Variants in TENM4 observed in about 807,000 individuals in gnomAD.
TENM4 encodes the protein teneurin transmembrane protein 4.
Under a neutral mutation model 243.3 loss-of-function variants are expected in TENM4, and 82 were observed. The ratio of observed to expected loss-of-function variants is 0.34; its 90% CI spans 0.28 to 0.40. The LOEUF (loss-of-function observed/expected upper bound fraction) is 0.40. Ranked by LOEUF, TENM4 falls within the 10% of genes least tolerant of loss-of-function variation. The probability of loss-of-function intolerance (pLI) is 1.00; values close to 1 mark genes in which losing one functional copy is unlikely to be tolerated. For missense variants in TENM4, 3,138 were observed against 3,673.3 expected, an observed-to-expected ratio of 0.85 and a Z score of 3.77; for synonymous variants, 1,412 against 1,456.3, an observed-to-expected ratio of 0.97 and a Z score of 0.69.
chr11:79,067,800 C>T (rs559528538), intron 5 of TENM4: 19 of 152,236 alleles, frequency 1.2e-4, no homozygotes, highest in Non-Finnish European at 2.2e-4. Flanking sequence ...TTCTGAGGCC[C>T]GGGGCATGAG....
chr11:78,874,971 C>T (rs1859229088), intron 9 of TENM4, among the ~76,000 whole-genome samples: 1 of 152,186 alleles, frequency 6.6e-6, no homozygotes, highest in South Asian at 2.1e-4. Flanking sequence ...ACGCCAGTGA[C>T]AATCTACTCA....
chr11:79,002,453 C>A (rs1197933763), intron 6 of TENM4, among the ~76,000 whole-genome samples: 1 of 152,238 alleles, frequency 6.6e-6, no homozygotes, highest in Non-Finnish European at 1.5e-5. Context: ...CCCTCCAATG[C>A]AGCAGGTTCC....
chr11:78,903,398 G>C lies in TENM4; in HGVS notation c.619C>G (p.Pro207Ala). Residue 207 changes from proline (P) to alanine (A), a missense_variant, in exon 7 of 34, where the codon CCG becomes GCG. Transcript: ENST00000278550. ...INSLNRGNFT[P>A]RSNPSPAPTD... The stretch of plus-strand genomic sequence containing the variant: ...GGGGCCGGGCTGGGGTTGCTCCTCG[G>C]CGTGAAGTTGCCCCGGTTCAGGGAG... 1 of 1,537,482 alleles carries C rather than the reference G, an allele frequency of 6.5e-7. No homozygotes were observed. The highest frequency in any genetic ancestry group is 8.8e-7 in the Non-Finnish European group (1 of 1,139,752).
At chr11:79,379,754 A>G (rs1474299981) in intron 1 of TENM4, among the ~76,000 whole-genome samples, 1 of 152,232 alleles carries the variant, frequency 6.6e-6, no homozygotes, top group African/African-American at 2.4e-5. Flanking sequence ...ATCCTGTTCC[A>G]GAGCCCATAC....
intron 12 of TENM4, among the ~76,000 whole-genome samples, chr11:78,849,387 T>C (rs1300682010): frequency 6.6e-6 from 1 of 152,218 alleles, no homozygotes; most frequent in Non-Finnish European, 1.5e-5. Flanking sequence ...ATAGTAACCG[T>C]GACAAATAGT....
chr11:79,076,573 G>A (rs1402714505), intron 4 of TENM4, among the ~76,000 whole-genome samples: 6 of 152,144 alleles, frequency 3.9e-5, no homozygotes, highest in African/African-American at 1.4e-4. Context: ...CCCACAACAC[G>A]TGGGAATTCA....
intron 12 of TENM4, among the ~76,000 whole-genome samples, chr11:78,840,043 G>A (rs995773705): frequency 2.6e-5 from 4 of 152,144 alleles, no homozygotes; most frequent in Admixed American, 6.6e-5. Context: ...ATAAGTTAAC[G>A]TAAATAAATT....
chr11:78,702,844 A>G (rs146338749), intron 27 of TENM4, among the ~76,000 whole-genome samples: 185 of 152,306 alleles, frequency 1.2e-3, no homozygotes, highest in African/African-American at 4.0e-3. Flanking sequence ...TGATGTTCTA[A>G]GATGGGAGGG....
chr11:79,243,178 GAC>G (rs1855453608), intron 2 of TENM4, among the ~76,000 whole-genome samples: 1 of 152,022 alleles, frequency 6.6e-6, no homozygotes, highest in Non-Finnish European at 1.5e-5. Flanking sequence ...ACAAATTCAT[GAC>G]ACGGTAGGAG....
chr11:79,070,335 G>A lies in TENM4; in HGVS notation c.-65-326C>T, dbSNP rs59168384. ...CCTAGGTAGGAACCAAGCCTGTTTGGTTCCCATCACATCCCACATGGAGCA... is the reference window on the plus strand; with the variant it reads ...CCTAGGTAGGAACCAAGCCTGTTTGATTCCCATCACATCCCACATGGAGCA... On this transcript the variant is annotated intron_variant, in intron 4 of 33. Coordinates refer to ENST00000278550, the MANE Select transcript of TENM4 (RefSeq NM_001098816.3). Among the ~76,000 whole-genome samples, 1,515 of 152,246 alleles carry A rather than the reference G, an allele frequency of 1.0e-2. 34 individuals are homozygous for A. The highest frequency in any genetic ancestry group is 0.035 in the African/African-American group (1,455 of 41,524).
chr11:78,729,330 C>T, intron 22 of TENM4, 46 bp downstream of exon 22: 2 of 1,525,718 alleles, frequency 1.3e-6, no homozygotes, highest in Non-Finnish European at 1.8e-6. Flanking sequence ...AGAAAGAGTC[C>T]TCCCTGCAAG....
At chr11:78,790,760 A>G (rs986578364) in intron 15 of TENM4, among the ~76,000 whole-genome samples, 1 of 151,832 alleles carries the variant, frequency 6.6e-6, no homozygotes, top group African/African-American at 2.4e-5. Context: ...TTTGAGAGAA[A>G]CTCTCAGCTT....
chr11:79,134,936 A>G (rs1862078480), intron 4 of TENM4, among the ~76,000 whole-genome samples: 1 of 152,212 alleles, frequency 6.6e-6, no homozygotes, highest in African/African-American at 2.4e-5. Flanking sequence ...TGGCTTAGGC[A>G]AGGATTTCAT....
Position 79,139,943 on chromosome 11 carries a change from C to CCAA in TENM4, c.-66+8764_-66+8766dup, listed in dbSNP as rs530582267. On this transcript the variant is annotated intron_variant, in intron 4 of 33. Coordinates refer to ENST00000278550, the MANE Select transcript of TENM4 (RefSeq NM_001098816.3). ...TATAATACAAAATTTGAAGATGGAA[C>CCAA]CAACATTCCTTATGTCCGCTTACAT... Among the ~76,000 whole-genome samples the CCAA allele has an allele frequency of 4.3e-3, 649 of 149,974 alleles. 2 individuals are homozygous for CCAA. The highest frequency in any genetic ancestry group is 4.6e-3 in the Non-Finnish European group (312 of 67,790).
At chr11:79,097,526 A>G (rs1861112053) in intron 4 of TENM4, 1 of 152,150 alleles carries the variant, frequency 6.6e-6, no homozygotes, top group African/African-American at 2.4e-5. Context: ...CACATTTGGA[A>G]ATTGAAATTT....
intron 1 of TENM4, among the ~76,000 whole-genome samples, chr11:79,363,239 G>A (rs56169319): frequency 0.014 from 2,073 of 152,304 alleles, 48 homozygotes; most frequent in African/African-American, 0.047. Context: ...GCAGTTCAGC[G>A]GCAGCTGCCC....
chr11:78,822,732 A>AT (rs202194332), intron 12 of TENM4, among the ~76,000 whole-genome samples: 2,521 of 151,294 alleles, frequency 0.017, 96 homozygotes, highest in African/African-American at 0.059. Flanking sequence ...TTAAGATAAA[A>AT]TTTTTTTTTT....
intron 6 of TENM4, among the ~76,000 whole-genome samples, chr11:78,937,378 C>T (rs1185898725): frequency 1.3e-5 from 2 of 152,166 alleles, no homozygotes; most frequent in Non-Finnish European, 2.9e-5. Flanking sequence ...TGAGAAGGTT[C>T]CATGTTCAAA....
At chr11:79,378,695 C>G (rs892507748) in intron 1 of TENM4, among the ~76,000 whole-genome samples, 3 of 152,016 alleles carry the variant, frequency 2.0e-5, no homozygotes, top group Non-Finnish European at 4.4e-5. Context: ...CCTGCCTCAG[C>G]AGCCTCACCT....
Sources: gnomAD v4.1 joint callset for allele counts (sites outside exome capture counted in the v4.1 genomes callset) on GRCh38, gnomAD v4.1.1 for gene constraint, MANE v1.5 for transcripts, NCBI Gene and HGNC (gene_info 2026-07-23, HGNC 2026-07-21) for gene names.